GNPTAB: variants seen among roughly 807,000 people sequenced by gnomAD.
The protein encoded by GNPTAB is N-acetylglucosamine-1-phosphotransferase subunits alpha/beta.
A neutral mutation model predicts 136.6 loss-of-function variants in GNPTAB; 92 were observed. That is an observed-to-expected ratio of 0.67 (90% CI 0.57 to 0.80). The LOEUF (loss-of-function observed/expected upper bound fraction) is 0.80. Among genes scored for constraint, GNPTAB ranks in the 30% least tolerant of loss-of-function variants. The pLI is 0.00. For missense variants in GNPTAB, 1,343 were observed against 1,501.8 expected (o/e 0.89, Z 1.75); for synonymous variants, 512 against 535.1 (o/e 0.96, Z 0.60).
At chr12:101,782,199 C>G (rs1594230960) in intron 5 of GNPTAB, among the ~76,000 whole-genome samples, 1 of 149,406 alleles carries the variant, frequency 6.7e-6, no homozygotes, top group Admixed American at 6.7e-5. Flanking sequence ...TGAGTCAAAT[C>G]TGGCAAAATA....
At chr12:101,766,043 C>A in intron 12 of GNPTAB, 48 bp downstream of exon 12, 1 of 1,490,958 alleles carries the variant, frequency 6.7e-7, no homozygotes, top group South Asian at 1.1e-5. Context: ...CTCTACCTGT[C>A]AAGGATGTTT....
At position 101,757,652 on chromosome 12, in the gene GNPTAB, C is replaced by T. The variant is rs374468420; in HGVS notation, c.3255G>A (p.Pro1085=). 29 of 1,527,674 alleles carry T rather than the reference C, an allele frequency of 1.9e-5. No homozygotes were observed. Among genetic ancestry groups the T allele is most frequent in the South Asian group, 1.0e-4 (9 of 89,424 alleles). The allele number at this position is 1,527,674 out of a possible 1,614,324, so 94.6% of individuals were successfully genotyped here. A position where few individuals can be genotyped will look rare whatever the true frequency, so the allele number is the denominator to read the frequency against. Residue 1085 remains proline (P), a synonymous_variant, in exon 17 of 21, where the codon CCG becomes CCA. Transcript: ENST00000299314. The stretch of plus-strand genomic sequence containing the variant: ...AGTTTGTTACTAGACTTTTAGTGAC[C>T]GGTGGCTATGAGAAAATATAAGTAG... ...QESYYDPNLP[P]VTKSLVTNCK... is the part of the protein sequence containing the mutation.
chr12:101,800,993 G>A (rs562640956), intron 1 of GNPTAB, among the ~76,000 whole-genome samples: 20 of 152,026 alleles, frequency 1.3e-4, no homozygotes, highest in Middle Eastern at 3.4e-3. Flanking sequence ...CAGCACTTTC[G>A]GAGGCTGAGG....
chr12:101,777,120 C>A (rs1412215675), intron 7 of GNPTAB, among the ~76,000 whole-genome samples: 1 of 152,252 alleles, frequency 6.6e-6, no homozygotes, highest in African/African-American at 2.4e-5. Context: ...TCATTCTCCT[C>A]TTCCTCCTCC....
chr12:101,757,605 A>AT lies in GNPTAB; in HGVS notation c.3301dup (p.Ile1101AsnfsTer6), dbSNP rs1394425220. 1 of 1,585,110 alleles carries AT rather than the reference A, an allele frequency of 6.3e-7. No individual in the cohort carries two copies. Among genetic ancestry groups the AT allele is most frequent in the Admixed American group, 1.7e-5 (1 of 59,984 alleles). ...GTTTTTGTCCTTATATGCTTTGTGG[A>AT]TTTTGTCAGTTACTGGTTTACAGTT... On this transcript the variant is annotated frameshift_variant, in exon 17 of 21. Transcript: ENST00000299314. LOFTEE classifies it high-confidence loss of function.
chr12:101,805,774 G>A (rs1054767674), intron 1 of GNPTAB, among the ~76,000 whole-genome samples: 6 of 152,040 alleles, frequency 3.9e-5, no homozygotes, highest in African/African-American at 1.5e-4. Flanking sequence ...GTGTACCAAA[G>A]AAACAAACAA....
rs183017924 is a variant in GNPTAB, at chr12:101,799,642, C to T, written c.118-2880G>A. ...ACCAACAGTCAGTGTTTTGGTTGTA[C>T]AACAAGAAAACCTGAACAAGAGTTC... is the stretch of plus-strand genomic sequence containing the variant. On this transcript the variant is annotated intron_variant, in intron 1 of 20. Coordinates refer to ENST00000299314, the MANE Select transcript of GNPTAB (RefSeq NM_024312.5). Among the ~76,000 whole-genome samples the T allele has an allele frequency of 2.4e-4, 37 of 152,284 alleles. 1 individual carries two copies. The highest frequency in any genetic ancestry group is 2.3e-3 in the Admixed American group (35 of 15,296).
intron 19 of GNPTAB, among the ~76,000 whole-genome samples, chr12:101,751,774 G>C (rs2137100169): frequency 6.6e-6 from 1 of 152,270 alleles, no homozygotes; most frequent in South Asian, 2.1e-4. Context: ...TCAAGAAAAA[G>C]GGTAGCTACT....
At chr12:101,799,674 T>C (rs1869494000) in intron 1 of GNPTAB, among the ~76,000 whole-genome samples, 1 of 152,224 alleles carries the variant, frequency 6.6e-6, no homozygotes. Flanking sequence ...GTTCTTTTAC[T>C]GGACTGGTTC....
intron 4 of GNPTAB, among the ~76,000 whole-genome samples, chr12:101,786,998 T>C (rs1252361018): frequency 6.6e-6 from 1 of 152,234 alleles, no homozygotes; most frequent in East Asian, 1.9e-4. Context: ...ACACCAAATC[T>C]TTTGGGAAAG....
chr12:101,764,322 A>G lies in GNPTAB; in HGVS notation c.2595T>C (p.Asn865=). The change falls in exon 13 of 21, where the codon AAT becomes AAC. Residue 865 remains asparagine (N), a synonymous_variant. Coordinates refer to ENST00000299314, the MANE Select transcript of GNPTAB (RefSeq NM_024312.5). ...CAGTAACGCCTATGTGATTTTCAGC[A>G]TTTTCCTCCATTCTACTGTTCTCTT... is the stretch of plus-strand genomic sequence containing the variant. ...KEKENSRMEE[N]AENHIGVTEV... 1 of 1,613,834 alleles carries G rather than the reference A, an allele frequency of 6.2e-7. No homozygotes were observed. The highest frequency in any genetic ancestry group is 2.2e-5 in the East Asian group (1 of 44,876).
chr12:101,783,124 C>A (rs899008704), intron 5 of GNPTAB, among the ~76,000 whole-genome samples: 10 of 151,946 alleles, frequency 6.6e-5, no homozygotes, highest in African/African-American at 2.2e-4. Flanking sequence ...TGACTCCCTC[C>A]ACCAAGATGT....
intron 1 of GNPTAB, among the ~76,000 whole-genome samples, chr12:101,811,448 A>G (rs1234858059): frequency 6.6e-6 from 1 of 151,766 alleles, no homozygotes; most frequent in Non-Finnish European, 1.5e-5. Context: ...GCTATAAAGA[A>G]CTACCTAAGA....
chr12:101,749,925 A>G (rs981479644), intron 19 of GNPTAB, among the ~76,000 whole-genome samples: 1 of 152,222 alleles, frequency 6.6e-6, no homozygotes, highest in South Asian at 2.1e-4. Context: ...CTAGTGGGAA[A>G]GTGGATGAAA....
intron 20 of GNPTAB, 23 bp downstream of exon 20, chr12:101,749,078 C>T: frequency 4.0e-6 from 5 of 1,251,512 alleles, no homozygotes; most frequent in Non-Finnish European, 5.9e-6. Context: ...ATTTAATACC[C>T]ACATAAAATA....
intron 1 of GNPTAB, among the ~76,000 whole-genome samples, chr12:101,827,315 G>A (rs1365715060): frequency 6.6e-6 from 1 of 151,746 alleles, no homozygotes; most frequent in African/African-American, 2.4e-5. Context: ...TGCCCAGGCT[G>A]GTCTCAAACT....
chr12:101,748,891 G>A (rs1952773626), intron 20 of GNPTAB, among the ~76,000 whole-genome samples: 1 of 152,170 alleles, frequency 6.6e-6, no homozygotes, highest in Admixed American at 6.5e-5. Context: ...AAAGAATACT[G>A]GTAATGGATT....
intron 2 of GNPTAB, among the ~76,000 whole-genome samples, chr12:101,794,396 C>G (rs1869162305): frequency 6.6e-6 from 1 of 152,042 alleles, no homozygotes; most frequent in Non-Finnish European, 1.5e-5. Flanking sequence ...CACCTGTAAT[C>G]TTAACACTTT....
At chr12:101,765,413 G>C in intron 12 of GNPTAB, 109 bp from the exon 13 acceptor site, 1 of 784,122 alleles carries the variant, frequency 1.3e-6, no homozygotes, top group Admixed American at 2.0e-5. Context: ...AAAAATAATA[G>C]GGAATGCATC....
Sources: gnomAD v4.1 joint callset for allele counts (sites outside exome capture counted in the v4.1 genomes callset) on GRCh38, gnomAD v4.1.1 for gene constraint, MANE v1.5 for transcripts, NCBI Gene and HGNC (gene_info 2026-07-23, HGNC 2026-07-21) for gene names.